The following TTC14 variants were observed in gnomAD, a reference collection of about 807,000 sequenced individuals.
TTC14 encodes tetratricopeptide repeat domain 14.
Under a neutral mutation model 79.9 loss-of-function variants are expected in TTC14, and 63 were observed. The observed-to-expected ratio is 0.79, with a 90% CI of 0.64 to 0.97. The LOEUF is 0.97. Among genes scored for constraint, TTC14 ranks in the 50% least tolerant of loss-of-function variants. TTC14 has a pLI of 0.00. For missense variants in TTC14, 895 were observed against 894.0 expected, an observed-to-expected ratio of 1.00 and a Z score of -0.01; for synonymous variants, 335 against 309.6, an observed-to-expected ratio of 1.08 and a Z score of -0.86.
downstream of TTC14, chr3:180,614,819 GT>G: frequency 3.7e-6 from 4 of 1,079,238 alleles, no homozygotes; most frequent in South Asian, 6.8e-5. Flanking sequence ...TTACCACTAA[GT>G]TTTTACACTT....
chr3:180,611,127 G>A lies in TTC14; in HGVS notation c.*585G>A. 4 of 985,290 alleles carry A rather than the reference G, an allele frequency of 4.1e-6. No individual in the cohort carries two copies. Among genetic ancestry groups the A allele is most frequent in the Non-Finnish European group, 4.8e-6 (4 of 829,890 alleles). 61.0% of individuals were successfully genotyped at this position (985,290 alleles called of 1,614,324 possible). A position where few individuals can be genotyped will look rare whatever the true frequency, so the allele number is the denominator to read the frequency against. ...TTTGATTAAAAGTGGTTTGTGAACA[G>A]TCATTGGCTTCCACCCAGCATAAGT... is the stretch of plus-strand genomic sequence containing the variant. On this transcript the variant is annotated 3_prime_UTR_variant, in exon 12 of 12. Coordinates refer to ENST00000296015, the MANE Select transcript of TTC14 (RefSeq NM_133462.4).
At position 180,610,097 on chromosome 3, in the gene TTC14, T is replaced by G. The variant is rs1456690983; in HGVS notation, c.1868T>G (p.Phe623Cys). Residue 623 changes from phenylalanine (F) to cysteine (C), a missense_variant, in exon 12 of 12, where the codon TTT becomes TGT. Transcript: ENST00000296015. ...TEKPYKSERH[F>C]SSRRNSSDSF... Reference sequence around the variant, plus strand: ...AAGCCATATAAATCAGAAAGACATTTTTCCAGTAGAAGAAATTCCTCAGAT... The same window carrying G: ...AAGCCATATAAATCAGAAAGACATTGTTCCAGTAGAAGAAATTCCTCAGAT... 2.5e-6 allele frequency: 4 copies of G among 1,613,380 alleles called. No homozygotes were observed. The highest frequency in any genetic ancestry group is 2.7e-5 in the African/African-American group (2 of 74,910).
intron 3 of TTC14, chr3:180,603,939 C>T (rs1342048119): frequency 2.8e-6 from 1 of 363,214 alleles, no homozygotes; most frequent in East Asian, 5.9e-5. Flanking sequence ...ACCTTTTAGA[C>T]AAATTTTAGT....
At chr3:180,605,252 A>T (rs1716612050) in intron 6 of TTC14, 2 of 345,466 alleles carry the variant, frequency 5.8e-6, no homozygotes, top group East Asian at 4.7e-5. Context: ...TGTGTATGCT[A>T]AAGAAAAATA....
Position 180,603,115 on chromosome 3 carries a change from T to G in TTC14, c.287-9T>G, listed in dbSNP as rs765959081. 3 of 1,610,716 alleles carry G rather than the reference T, an allele frequency of 1.9e-6. No individual in the cohort carries two copies. Among genetic ancestry groups the G allele is most frequent in the Non-Finnish European group, 2.5e-6 (3 of 1,179,044 alleles). On this transcript the variant is annotated splice_polypyrimidine_tract_variant and intron_variant, in intron 2 of 11. Transcript: ENST00000296015. ...ATCGTTAGTGATTTTGTTAATTTTTTTTTTTTAGATCATTATGCAATCATG... is the reference window on the plus strand; with the variant it reads ...ATCGTTAGTGATTTTGTTAATTTTTGTTTTTTAGATCATTATGCAATCATG...
chr3:180,605,013 G>C lies in TTC14; in HGVS notation c.857+6G>C. 1.2e-6 allele frequency: 2 copies of C among 1,608,198 alleles called. No individual in the cohort carries two copies. The highest frequency in any genetic ancestry group is 2.2e-5 in the South Asian group (2 of 90,456). On this transcript the variant is annotated splice_donor_region_variant and intron_variant, in intron 6 of 11. Transcript: ENST00000296015. ...TTAATGAGAGGCCTACAAAGGTATA[G>C]TACATCAGTATTACTCTTAGATGGT... is the stretch of plus-strand genomic sequence containing the variant.
intron 9 of TTC14, 74 bp from the exon 10 acceptor site, chr3:180,607,574 G>T: frequency 6.7e-7 from 1 of 1,490,932 alleles, no homozygotes; most frequent in Non-Finnish European, 8.9e-7. Context: ...TCTCATATAA[G>T]CCTTTGACCT....
intron 6 of TTC14, 59 bp downstream of exon 6, chr3:180,605,066 T>TG: frequency 1.3e-6 from 2 of 1,524,944 alleles, no homozygotes; most frequent in Non-Finnish European, 1.8e-6. Flanking sequence ...GCTCAGAAGC[T>TG]GCGTTTAGCT....
chr3:180,616,415 G>T, intron 12 of TTC14: 1 of 1,529,588 alleles, frequency 6.5e-7, no homozygotes, highest in Non-Finnish European at 8.8e-7. Flanking sequence ...TTTTTTAGAA[G>T]ATAAATATTT....
At chr3:180,615,108 T>C (rs1490404016), downstream of TTC14, 1 of 1,485,468 alleles carries the variant, frequency 6.7e-7, no homozygotes, top group Non-Finnish European at 9.0e-7. Context: ...ATAAATTCAA[T>C]GCAAAGTTTA....
At chr3:180,604,046 A>G in intron 3 of TTC14, 179 bp from the exon 4 acceptor site, 1 of 622,038 alleles carries the variant, frequency 1.6e-6, no homozygotes, top group Non-Finnish European at 2.8e-6. Context: ...TAACTGAACC[A>G]GCAAACATAT....
chr3:180,610,803 A>G lies in TTC14; in HGVS notation c.*261A>G. Reference sequence around the variant, plus strand: ...ACAGTTTGAATTTCTTCACCTAAAGATAATTCTCTGAAAGTACTGTTTCTT... The same window carrying G: ...ACAGTTTGAATTTCTTCACCTAAAGGTAATTCTCTGAAAGTACTGTTTCTT... On this transcript the variant is annotated 3_prime_UTR_variant, in exon 12 of 12. Transcript: ENST00000296015. 1 of 1,038,388 alleles carries G rather than the reference A, an allele frequency of 9.6e-7. No homozygotes were observed. The highest frequency in any genetic ancestry group is 1.2e-6 in the Non-Finnish European group (1 of 863,864). The allele number at this position is 1,038,388 out of a possible 1,614,324, so 64.3% of individuals were successfully genotyped here. A position where few individuals can be genotyped will look rare whatever the true frequency, so the allele number is the denominator to read the frequency against.
At chr3:180,602,828 A>C in intron 1 of TTC14, 63 bp from the exon 2 acceptor site, 1 of 1,526,640 alleles carries the variant, frequency 6.6e-7, no homozygotes, top group Non-Finnish European at 8.8e-7. Flanking sequence ...CATAAGCAGA[A>C]GGTTAGAAGT....
chr3:180,602,883 T>G lies in TTC14; in HGVS notation c.162-8T>G. On this transcript the variant is annotated splice_polypyrimidine_tract_variant and splice_region_variant and intron_variant, in intron 1 of 11. Coordinates refer to ENST00000296015, the MANE Select transcript of TTC14 (RefSeq NM_133462.4). ...CCCAATTTTCATATATATTTTTTTC[T>G]TTTTAAGAAAAGAGAAGAGAGTTGA... is the stretch of plus-strand genomic sequence containing the variant. 1 of 1,598,414 alleles carries G rather than the reference T, an allele frequency of 6.3e-7. No homozygotes were observed. The highest frequency in any genetic ancestry group is 8.5e-7 in the Non-Finnish European group (1 of 1,175,830).
rs1317867248 is a variant in TTC14 at position 180,604,747 on chromosome 3, C to CA, written c.702-99dup. 3.9e-5 allele frequency: 55 copies of CA among 1,418,430 alleles called. No homozygotes were observed. The Admixed American group carries it at 1.1e-3, about 27-fold the overall frequency. The allele number at this position is 1,418,430 out of a possible 1,614,324, so 87.9% of individuals were successfully genotyped here. On this transcript the variant is annotated intron_variant, in intron 5 of 11. Transcript: ENST00000296015. ...CATAATATTGCCACACCATCTTATG[C>CA]AAAAAATGGAATTAGTATTTAAACC...
At position 180,603,007 on chromosome 3, in the gene TTC14, A is replaced by T. The variant is rs768014219; in HGVS notation, c.278A>T (p.Asp93Val). 3 of 1,613,516 alleles carry T rather than the reference A, an allele frequency of 1.9e-6. No individual in the cohort carries two copies. The highest frequency in any genetic ancestry group is 2.5e-6 in the Non-Finnish European group (3 of 1,179,890). ...CCTGCAACTTCTGAAATTAATGAAG[A>T]CAGTGAAGGTCAGTTTAGCCTTAAA... ...DAPATSEINEDSEDHYAIMPP... is the reference protein window; with the variant it reads ...DAPATSEINEVSEDHYAIMPP... The change falls in exon 2 of 12, where the codon GAC (aspartate) becomes GTC (valine). Residue 93 changes from aspartate to valine, a missense_variant. Asp to Val is a radical substitution (Grantham distance 152). Transcript: ENST00000296015.
intron 3 of TTC14, chr3:180,603,549 C>T (rs1716505645): frequency 1.9e-6 from 1 of 515,902 alleles, no homozygotes; most frequent in African/African-American, 1.9e-5. Flanking sequence ...TTGGCAGGCA[C>T]AGTGTTCTTT....
At chr3:180,604,130 ACTAG>A (rs753984958) in intron 3 of TTC14, 91 bp from the exon 4 acceptor site, 1 of 1,029,650 alleles carries the variant, frequency 9.7e-7, no homozygotes, top group East Asian at 2.4e-5. Context: ...TTGTTCAACT[ACTAG>A]CTGTTTCATA....
intron 7 of TTC14, 92 bp from the exon 8 acceptor site, chr3:180,606,161 T>G: frequency 1.3e-6 from 2 of 1,547,850 alleles, no homozygotes; most frequent in Non-Finnish European, 1.7e-6. Context: ...TTGCCAAGTT[T>G]GATGACATTT....
Sources: gnomAD v4.1 joint callset for allele counts on GRCh38, gnomAD v4.1.1 for gene constraint, MANE v1.5 for transcripts, NCBI Gene and HGNC (gene_info 2026-07-23, HGNC 2026-07-21) for gene names.